Variants in UTP6 observed in about 807,000 individuals in gnomAD.
UTP6 encodes the protein U3 small nucleolar RNA-associated protein 6 homolog.
A neutral mutation model predicts 96.5 loss-of-function variants in UTP6; 60 were observed. The ratio of observed to expected loss-of-function variants is 0.62; its 90% confidence interval spans 0.51 to 0.77. The LOEUF (loss-of-function observed/expected upper bound fraction) is 0.77, where lower values mean the gene tolerates loss of function less well. Ranked by LOEUF, UTP6 falls within the 30% of genes least tolerant of loss-of-function variation. The pLI, the probability that UTP6 is intolerant of heterozygous loss-of-function variation, is 0.00. For synonymous variants in UTP6, 215 were observed against 240.1 expected (o/e 0.90, Z 0.96); for missense variants, 637 against 706.5 (o/e 0.90, Z 1.12).
At chr17:31,894,271 AAAAAAAAAAAAAAG>A (rs1289790864) in intron 4 of UTP6, among the ~76,000 whole-genome samples, 7 of 138,956 alleles carry the variant, frequency 5.0e-5, no homozygotes, top group African/African-American at 1.5e-4. Context: ...CTTATCTCAA[AAAAAAAAAAAAAAG>A]AAAAAAAAAA....
At position 31,901,543 on chromosome 17, in the gene UTP6, C is replaced by G. The variant is rs758874849; in HGVS notation, c.85G>C (p.Glu29Gln). The G allele has an allele frequency of 6.2e-7, 1 of 1,614,058 alleles. No homozygotes were observed. The highest frequency in any genetic ancestry group is 1.1e-5 in the South Asian group (1 of 91,082). ...TCCCCAACCCTCTCTCACTTAATCT[C>G]CGCATGACTGAACAGTCCAATGCGC... ...LERIGLFSHAEIKAIIKKASD... is the reference protein window; with the variant it reads ...LERIGLFSHAQIKAIIKKASD... Residue 29 changes from glutamate (E) to glutamine (Q), a missense_variant, in exon 1 of 19, where the codon GAG (glutamate) becomes CAG (glutamine). By Grantham distance (29) the Glu-to-Gln change is conservative. Transcript: ENST00000261708.
rs188524934 is a variant in UTP6 at position 31,879,843 on chromosome 17, T to G, written c.967+730A>C. Among the ~76,000 whole-genome samples, 324 of 151,822 alleles carry G rather than the reference T, an allele frequency of 2.1e-3. 2 individuals are homozygous for G. Among genetic ancestry groups the G allele is most frequent in the Non-Finnish European group, 2.9e-3 (194 of 67,916 alleles). On this transcript the variant is annotated intron_variant, in intron 11 of 18. Coordinates refer to ENST00000261708, the MANE Select transcript of UTP6 (RefSeq NM_018428.3). ...AGGCACGGCCAAATGCGGTGGCTCA[T>G]GCGTGTAATCCCAGCACTTTAGGAG...
At chr17:31,891,282 G>A (rs769682207) in intron 6 of UTP6, among the ~76,000 whole-genome samples, 3 of 152,084 alleles carry the variant, frequency 2.0e-5, no homozygotes, top group Non-Finnish European at 2.9e-5. Flanking sequence ...CCCATCCATG[G>A]GGCTTCTAAA....
At chr17:31,896,697 C>T (rs1048616420) in intron 2 of UTP6, among the ~76,000 whole-genome samples, 2 of 150,700 alleles carry the variant, frequency 1.3e-5, no homozygotes, top group African/African-American at 2.5e-5. Flanking sequence ...AGTGCAATGG[C>T]GCCATCATGG....
chr17:31,862,252 G>C lies in UTP6; in HGVS notation c.*1107C>G, dbSNP rs1226117838. ...GGAGGTTGCAGTGAGCCGAGATGGA[G>C]CCACTGCACTCCAGCCTGGATGACA... On this transcript the variant is annotated 3_prime_UTR_variant, in exon 19 of 19. Transcript: ENST00000261708. 1 of 151,690 alleles carries C rather than the reference G, an allele frequency of 6.6e-6. No individual in the cohort carries two copies. The highest frequency in any genetic ancestry group is 1.9e-4 in the East Asian group (1 of 5,146). 9.4% of individuals were successfully genotyped at this position (151,690 alleles called of 1,614,324 possible). A position where few individuals can be genotyped will look rare whatever the true frequency, so the allele number is the denominator to read the frequency against.
chr17:31,881,069 G>A (rs182472967), intron 10 of UTP6, among the ~76,000 whole-genome samples: 1 of 151,912 alleles, frequency 6.6e-6, no homozygotes, highest in East Asian at 1.9e-4. Flanking sequence ...CCAGCTACTA[G>A]AGAGGCTGAG....
chr17:31,890,247 C>T (rs1050946321), intron 6 of UTP6, among the ~76,000 whole-genome samples: 2 of 151,848 alleles, frequency 1.3e-5, no homozygotes, highest in South Asian at 2.1e-4. Context: ...CTGCCTGCCT[C>T]GGCTTCCCAA....
intron 11 of UTP6, 152 bp from the exon 12 acceptor site, chr17:31,878,933 T>A (rs1197653520): frequency 1.5e-6 from 1 of 688,876 alleles, no homozygotes; most frequent in African/African-American, 1.8e-5. Flanking sequence ...ATCAGCCTGA[T>A]TTTAAGAAGT....
Position 31,884,860 on chromosome 17 carries a change from C to A in UTP6, c.704-355G>T, listed in dbSNP as rs117402860. On this transcript the variant is annotated intron_variant, in intron 9 of 18. Coordinates refer to ENST00000261708, the MANE Select transcript of UTP6 (RefSeq NM_018428.3). ...CTTGAGCTCAGGAGTTCAAGACTAGCCCGGACAACATGGTGAAACCTCATC... is the reference window on the plus strand; with the variant it reads ...CTTGAGCTCAGGAGTTCAAGACTAGACCGGACAACATGGTGAAACCTCATC... 182 of 170,378 alleles carry A rather than the reference C, an allele frequency of 1.1e-3. 5 individuals are homozygous for A. The East Asian group carries it at 0.028, about 26-fold the overall frequency. The allele number at this position is 170,378 out of a possible 1,614,324, so 10.6% of individuals were successfully genotyped here. A position where few individuals can be genotyped will look rare whatever the true frequency, so the allele number is the denominator to read the frequency against.
At chr17:31,900,200 A>G (rs1044794719) in intron 1 of UTP6, among the ~76,000 whole-genome samples, 1 of 152,210 alleles carries the variant, frequency 6.6e-6, no homozygotes, top group Admixed American at 6.5e-5. Context: ...GTTCATTTTT[A>G]AACTTTCAGG....
At chr17:31,884,693 GT>G (rs1230138862) in intron 9 of UTP6, among the ~76,000 whole-genome samples, 188 bp from the exon 10 acceptor site, 1 of 151,038 alleles carries the variant, frequency 6.6e-6, no homozygotes, top group Non-Finnish European at 1.5e-5. Context: ...CAAAGCTATT[GT>G]TAATCTTTGG....
At chr17:31,871,494 T>A (rs1446734260) in intron 16 of UTP6, among the ~76,000 whole-genome samples, 2 of 151,914 alleles carry the variant, frequency 1.3e-5, no homozygotes, top group African/African-American at 4.8e-5. Context: ...ATACCTACAA[T>A]CCCAGCCCTT....
intron 1 of UTP6, among the ~76,000 whole-genome samples, chr17:31,900,337 G>A (rs1371908751): frequency 6.6e-6 from 1 of 152,032 alleles, no homozygotes; most frequent in Non-Finnish European, 1.5e-5. Context: ...TGTCGCCCAG[G>A]CTGGAGTGCA....
chr17:31,883,402 A>G (rs1215070796), intron 10 of UTP6, among the ~76,000 whole-genome samples: 1 of 148,212 alleles, frequency 6.7e-6, no homozygotes, highest in African/African-American at 2.5e-5. Context: ...TGCAACCTCC[A>G]CCTCCCGGCT....
intron 10 of UTP6, among the ~76,000 whole-genome samples, chr17:31,882,327 G>GTTT (rs573086102): frequency 7.4e-6 from 1 of 135,722 alleles, no homozygotes. Context: ...CACTGCATCT[G>GTTT]TTTTTTTTTT....
intron 12 of UTP6, 149 bp from the exon 13 acceptor site, chr17:31,878,476 A>C (rs1910627501): frequency 3.6e-6 from 3 of 842,138 alleles, no homozygotes; most frequent in Non-Finnish European, 5.6e-6. Context: ...GAATAGATGC[A>C]ATGGGCAGCT....
Position 31,863,323 on chromosome 17 carries a change from A to C in UTP6, c.*36T>G, listed in dbSNP as rs777046763. 3 of 1,608,372 alleles carry C rather than the reference A, an allele frequency of 1.9e-6. No individual in the cohort carries two copies. The highest frequency in any genetic ancestry group is 2.5e-6 in the Non-Finnish European group (3 of 1,177,418). ...AAATTTGCCCACGGGGCTTGCTTGC[A>C]ATACTATTTCACAAAGCTGACTGTA... On this transcript the variant is annotated 3_prime_UTR_variant, in exon 19 of 19. Coordinates refer to ENST00000261708, the MANE Select transcript of UTP6 (RefSeq NM_018428.3).
intron 14 of UTP6, 92 bp downstream of exon 14, chr17:31,875,142 G>A (rs1910419247): frequency 1.4e-6 from 2 of 1,454,796 alleles, no homozygotes; most frequent in Non-Finnish European, 1.9e-6. Context: ...TCTAGAGTTG[G>A]CTCTCAATAG....
In UTP6 at chr17:31,901,617, A is replaced by G; in HGVS notation, c.11T>C (p.Ile4Thr). MAE[I>T]IQERIEDRLP... Reference sequence around the variant, plus strand: ...CCGATCTTCTATGCGTTCCTGAATTATCTCTGCCATGAGGTCCGAGGTCTA... The same window carrying G: ...CCGATCTTCTATGCGTTCCTGAATTGTCTCTGCCATGAGGTCCGAGGTCTA... The change falls in exon 1 of 19, where the codon ATA becomes ACA. Residue 4 changes from isoleucine to threonine, a missense_variant. Coordinates refer to ENST00000261708, the MANE Select transcript of UTP6 (RefSeq NM_018428.3). The G allele has an allele frequency of 1.2e-6, 2 of 1,613,780 alleles. No individual in the cohort carries two copies.
Sources: allele counts gnomAD v4.1 joint callset (sites outside exome capture counted in the v4.1 genomes callset), GRCh38; gene constraint gnomAD v4.1.1; transcripts MANE v1.5; gene names NCBI Gene and HGNC (gene_info 2026-07-23, HGNC 2026-07-21).